The following KALRN variants were observed in gnomAD, a reference collection of about 807,000 sequenced individuals.
KALRN encodes the protein kalirin RhoGEF kinase, also known as kalirin.
A neutral mutation model predicts 353.7 loss-of-function variants in KALRN; 70 were observed. That is an observed-to-expected ratio of 0.20 (90% CI 0.16 to 0.24). The LOEUF (loss-of-function observed/expected upper bound fraction) is 0.24, where lower values mean the gene tolerates loss of function less well. KALRN is among the 10% of genes least tolerant of loss of function. The probability of loss-of-function intolerance (pLI) is 1.00; values close to 1 mark genes in which losing one functional copy is unlikely to be tolerated. For missense variants in KALRN, 2,791 were observed against 3,756.7 expected (o/e 0.74, Z 6.72); for synonymous variants, 1,391 against 1,434.8 (o/e 0.97, Z 0.69).
At chr3:124,712,782 A>T (rs2062955074) in intron 57 of KALRN, among the ~76,000 whole-genome samples, 153 bp from the exon 58 acceptor site, 1 of 151,658 alleles carries the variant, frequency 6.6e-6, no homozygotes, top group South Asian at 2.1e-4. Flanking sequence ...GGAAAAATGG[A>T]TTCTCTGAAT....
chr3:124,298,430 C>T (rs150933236), intron 5 of KALRN, among the ~76,000 whole-genome samples: 8 of 152,214 alleles, frequency 5.3e-5, no homozygotes, highest in South Asian at 2.1e-4. Flanking sequence ...TCTACTAGTG[C>T]GGCAGGAGAT....
chr3:124,550,716 G>A (rs958472769), intron 33 of KALRN, among the ~76,000 whole-genome samples: 7 of 152,218 alleles, frequency 4.6e-5, no homozygotes, highest in East Asian at 3.9e-4. Flanking sequence ...AAGACCAGGC[G>A]CAGTGGCTCA....
At chr3:124,582,018 ATT>A (rs71625758) in intron 34 of KALRN, among the ~76,000 whole-genome samples, 94 of 136,104 alleles carry the variant, frequency 6.9e-4, no homozygotes, top group East Asian at 1.3e-3. Flanking sequence ...AACATGAGCT[ATT>A]TTTTTTTTTT....
At chr3:124,625,376 AATG>A (rs1404707020) in intron 34 of KALRN, among the ~76,000 whole-genome samples, 3 of 152,168 alleles carry the variant, frequency 2.0e-5, no homozygotes, top group African/African-American at 7.2e-5. Context: ...GAGCCCAGAA[AATG>A]AGTGTTTTGA....
chr3:124,604,975 C>CA (rs1276768616), intron 34 of KALRN, among the ~76,000 whole-genome samples: 1 of 151,920 alleles, frequency 6.6e-6, no homozygotes, highest in Non-Finnish European at 1.5e-5. Context: ...AGCAACATGG[C>CA]AAAACCTCAT....
At chr3:124,266,923 G>A (rs1456996243) in intron 4 of KALRN, among the ~76,000 whole-genome samples, 1 of 152,182 alleles carries the variant, frequency 6.6e-6, no homozygotes, top group Non-Finnish European at 1.5e-5. Flanking sequence ...AGACTGAAAA[G>A]CATCTTTTCA....
At chr3:124,364,576 G>T (rs1183618683) in intron 10 of KALRN, among the ~76,000 whole-genome samples, 1 of 152,198 alleles carries the variant, frequency 6.6e-6, no homozygotes, top group Non-Finnish European at 1.5e-5. Flanking sequence ...CCTGGGTTTT[G>T]GCCGACAGTG....
Position 124,496,342 on chromosome 3 carries a change from G to A in KALRN, c.4864G>A (p.Asp1622Asn), listed in dbSNP as rs780940425. 9 of 1,613,514 alleles carry A rather than the reference G, an allele frequency of 5.6e-6. No homozygotes were observed. The highest frequency in any genetic ancestry group is 1.3e-5 in the African/African-American group (1 of 74,838). Residue 1622 changes from aspartate to asparagine, a missense_variant, in exon 33 of 60, where the codon GAT becomes AAT. By Grantham distance (23) the Asp-to-Asn change is conservative (BLOSUM62 1). This residue lies in a region of KALRN where 239 missense variants were observed against 351.3 expected (regional missense o/e 0.68). Coordinates refer to ENST00000682506, the MANE Select transcript of KALRN (RefSeq NM_001388419.1). Reference sequence around the variant, plus strand: ...AGTGGAGGATATTGACAGCCAGGGGGATGGGAGCAGCCAACCAGACACCAT... The same window carrying A: ...AGTGGAGGATATTGACAGCCAGGGGAATGGGAGCAGCCAACCAGACACCAT... ...DGVEDIDSQGDGSSQPDTISI... is the reference protein window; with the variant it reads ...DGVEDIDSQGNGSSQPDTISI...
intron 23 of KALRN, among the ~76,000 whole-genome samples, chr3:124,457,056 T>C (rs1438040527): frequency 1.5e-5 from 2 of 137,908 alleles, no homozygotes; most frequent in African/African-American, 5.1e-5. Context: ...TTATTCTGCC[T>C]TCTGATTTTT....
intron 13 of KALRN, among the ~76,000 whole-genome samples, chr3:124,402,412 G>A (rs1013716072): frequency 9.2e-5 from 14 of 152,128 alleles, no homozygotes; most frequent in Admixed American, 5.9e-4. Flanking sequence ...TTTAGGTTCA[G>A]CCTCCTTCTA....
chr3:124,132,905 C>G (rs1212188606), intron 1 of KALRN: 1 of 154,224 alleles, frequency 6.5e-6, no homozygotes, highest in African/African-American at 2.4e-5. Flanking sequence ...GGCATTTACA[C>G]TGTTTTCTCT....
intron 10 of KALRN, among the ~76,000 whole-genome samples, chr3:124,383,979 C>T (rs1461936927): frequency 6.6e-6 from 1 of 152,194 alleles, no homozygotes. Context: ...ACACCTGAGT[C>T]ACCAGCTCTA....
At chr3:124,604,723 G>C (rs2077147315) in intron 34 of KALRN, among the ~76,000 whole-genome samples, 1 of 151,946 alleles carries the variant, frequency 6.6e-6, no homozygotes, top group Admixed American at 6.6e-5. Flanking sequence ...GTCTCACTCT[G>C]TCACCCAGAC....
chr3:124,719,400 A>T lies in KALRN; in HGVS notation c.8891A>T (p.His2964Leu), dbSNP rs1331799203. 1.9e-6 allele frequency: 3 copies of T among 1,614,062 alleles called. No individual in the cohort carries two copies. The highest frequency in any genetic ancestry group is 2.5e-6 in the Non-Finnish European group (3 of 1,180,056). Residue 2964 changes from histidine to leucine, a missense_variant, in exon 60 of 60, where the codon CAC becomes CTC. Physicochemically the swap from His to Leu is moderately conservative, Grantham distance 99. Transcript: ENST00000682506. This position sits in a 1 kb window ranked among gnomAD's most constrained non-coding sequence, Gnocchi z 5.3. ...GCATGCTTCATAGAACGTCGCAAGC[A>T]CCAGAATGATGTGCGGCCTATTCCC... ...RLACFIERRK[H>L]QNDVRPIPNV...
At chr3:124,461,839 G>A (rs1383992563) in intron 23 of KALRN, 51 bp from the exon 24 acceptor site, 2 of 1,353,334 alleles carry the variant, frequency 1.5e-6, no homozygotes, top group Middle Eastern at 3.6e-4. Flanking sequence ...GTTTGAAGGA[G>A]GAGAGACATT....
chr3:124,643,022 G>A (rs986150322), intron 37 of KALRN, among the ~76,000 whole-genome samples: 6 of 151,802 alleles, frequency 4.0e-5, no homozygotes, highest in African/African-American at 1.5e-4. Context: ...TCTCCATGTT[G>A]GTCAGGCTGG....
At chr3:124,704,355 C>T (rs2062494238) in intron 57 of KALRN, among the ~76,000 whole-genome samples, 1 of 152,090 alleles carries the variant, frequency 6.6e-6, no homozygotes, top group Admixed American at 6.5e-5. Flanking sequence ...AAACAGATGG[C>T]TGATTTGATA....
intron 10 of KALRN, among the ~76,000 whole-genome samples, chr3:124,377,480 TG>T (rs1202215260): frequency 2.0e-5 from 3 of 152,032 alleles, no homozygotes; most frequent in Middle Eastern, 3.4e-3. Flanking sequence ...TGGTTTATCT[TG>T]GTAAATATTC....
intron 37 of KALRN, among the ~76,000 whole-genome samples, chr3:124,643,336 C>A (rs2082320536): frequency 6.6e-6 from 1 of 151,856 alleles, no homozygotes; most frequent in Admixed American, 6.6e-5. Context: ...TTTTTTAGCC[C>A]AGTTACAAAT....
Sources: allele counts gnomAD v4.1 joint callset (sites outside exome capture counted in the v4.1 genomes callset), GRCh38; gene constraint gnomAD v4.1.1; regional missense constraint gnomAD v4.1.1; non-coding constraint Gnocchi (gnomAD v3.1); transcripts MANE v1.5; gene names NCBI Gene and HGNC (gene_info 2026-07-23, HGNC 2026-07-21).